Variants in CACNA2D3 observed in about 807,000 individuals in gnomAD.
CACNA2D3 encodes the protein calcium voltage-gated channel auxiliary subunit alpha2delta 3, also known as voltage-dependent calcium channel subunit alpha-2/delta-3.
Under a neutral mutation model 160.6 loss-of-function variants are expected in CACNA2D3, and 60 were observed. That is an observed-to-expected ratio of 0.37 (90% CI 0.30 to 0.46). The LOEUF (loss-of-function observed/expected upper bound fraction) is 0.46. CACNA2D3 is among the 20% of genes least tolerant of loss of function. The probability of loss-of-function intolerance (pLI) is 1.00; values close to 1 mark genes in which losing one functional copy is unlikely to be tolerated. For synonymous variants in CACNA2D3, 558 were observed against 492.9 expected (o/e 1.13, Z -1.75); for missense variants, 1,205 against 1,365.0 (o/e 0.88, Z 1.85).
At chr3:54,706,213 GCA>G in intron 11 of CACNA2D3, among the ~76,000 whole-genome samples, 2 of 152,294 alleles carry the variant, frequency 1.3e-5, no homozygotes, top group East Asian at 3.9e-4. Context: ...ATACCTTCTT[GCA>G]CTTTCTTCAG....
At chr3:54,431,510 A>G (rs917884517) in intron 4 of CACNA2D3, among the ~76,000 whole-genome samples, 3 of 152,164 alleles carry the variant, frequency 2.0e-5, no homozygotes, top group Non-Finnish European at 4.4e-5. Context: ...GCAGAGGTGG[A>G]AGAAAATCCA....
In CACNA2D3 at chr3:54,764,244, G is replaced by A; in HGVS notation, c.1273G>A (p.Ala425Thr). ...ATTTTTTACCCAGATCTCCACCTTG[G>A]CTGATGTGCAGGAGAATGTCATGGA... is the stretch of plus-strand genomic sequence containing the variant. ...KGFFTQISTL[A>T]DVQENVMEYL... is the part of the protein sequence containing the mutation. Residue 425 changes from alanine to threonine, a missense_variant, in exon 13 of 38, where the codon GCT becomes ACT. Ala to Thr is a moderately conservative substitution (Grantham distance 58, BLOSUM62 0). Transcript: ENST00000474759. 1 of 1,613,742 alleles carries A rather than the reference G, an allele frequency of 6.2e-7. No homozygotes were observed. Among genetic ancestry groups the A allele is most frequent in the Non-Finnish European group, 8.5e-7 (1 of 1,179,796 alleles).
At chr3:54,372,582 T>C (rs1698944054) in intron 3 of CACNA2D3, among the ~76,000 whole-genome samples, 1 of 152,198 alleles carries the variant, frequency 6.6e-6, no homozygotes, top group Non-Finnish European at 1.5e-5. Context: ...CTTCATTAGC[T>C]CTCTGTCTTT....
chr3:54,833,520 C>G (rs779494603), intron 14 of CACNA2D3, among the ~76,000 whole-genome samples: 1 of 151,982 alleles, frequency 6.6e-6, no homozygotes, highest in Non-Finnish European at 1.5e-5. Flanking sequence ...AGGGACCCCC[C>G]TAGCAACGTG....
At chr3:55,029,854 A>G (rs557144571) in intron 35 of CACNA2D3, among the ~76,000 whole-genome samples, 54 of 152,338 alleles carry the variant, frequency 3.5e-4, no homozygotes, top group Admixed American at 9.8e-4. Context: ...ATATTTTTGT[A>G]TCTCCTGCTC....
In CACNA2D3 at chr3:54,391,328, C is replaced by T. The variant is rs553821906; in HGVS notation, c.381+4554C>T. Reference sequence around the variant, plus strand: ...CTTATGGCTTGGACATCTACAGCCCCCTCTGTAATGTCCTTACTATGGCAT... The same window carrying T: ...CTTATGGCTTGGACATCTACAGCCCTCTCTGTAATGTCCTTACTATGGCAT... On this transcript the variant is annotated intron_variant, in intron 4 of 37. Coordinates refer to ENST00000474759, the MANE Select transcript of CACNA2D3 (RefSeq NM_018398.3). Among the ~76,000 whole-genome samples, 397 of 152,218 alleles carry T rather than the reference C, an allele frequency of 2.6e-3. 5 individuals are homozygous for T. Among genetic ancestry groups the T allele is most frequent in the African/African-American group, 8.7e-3 (361 of 41,518 alleles).
At chr3:54,226,022 C>G (rs530268670) in intron 2 of CACNA2D3, among the ~76,000 whole-genome samples, 2 of 152,190 alleles carry the variant, frequency 1.3e-5, no homozygotes, top group South Asian at 4.1e-4. Context: ...TCTGACTGGC[C>G]CTTACCAGCA....
intron 3 of CACNA2D3, among the ~76,000 whole-genome samples, chr3:54,331,601 T>C (rs1414818476): frequency 1.3e-5 from 2 of 152,236 alleles, no homozygotes; most frequent in Non-Finnish European, 2.9e-5. Flanking sequence ...TATTATCTCA[T>C]TTAAGTGATA....
chr3:54,916,970 C>A (rs1018956850), intron 27 of CACNA2D3, among the ~76,000 whole-genome samples: 1 of 152,196 alleles, frequency 6.6e-6, no homozygotes, highest in Admixed American at 6.5e-5. Flanking sequence ...TTAGCAATGT[C>A]TGTCATGGCC....
chr3:54,605,152 C>T (rs1698572776), intron 9 of CACNA2D3, among the ~76,000 whole-genome samples: 1 of 152,148 alleles, frequency 6.6e-6, no homozygotes, highest in Non-Finnish European at 1.5e-5. Context: ...TTCACCTGGT[C>T]ATCTTTTCTA....
At chr3:54,150,707 C>G (rs1403693612) in intron 2 of CACNA2D3, among the ~76,000 whole-genome samples, 1 of 152,076 alleles carries the variant, frequency 6.6e-6, no homozygotes, top group Admixed American at 6.6e-5. Flanking sequence ...TACATGAAAA[C>G]AAAAATACTA....
chr3:54,227,531 C>A (rs1701695460), intron 2 of CACNA2D3, among the ~76,000 whole-genome samples: 1 of 144,660 alleles, frequency 6.9e-6, no homozygotes, highest in South Asian at 2.2e-4. Context: ...CAGAGCCAAA[C>A]ATTTCAGCTA....
At chr3:54,764,457 T>G (rs1702180694) in intron 13 of CACNA2D3, 106 bp downstream of exon 13, 3 of 1,378,828 alleles carry the variant, frequency 2.2e-6, no homozygotes, top group Non-Finnish European at 3.0e-6. Context: ...TTGTGTTCAG[T>G]GACACTTTTC....
At chr3:54,840,041 G>C (rs1049457541) in intron 16 of CACNA2D3, among the ~76,000 whole-genome samples, 1 of 152,124 alleles carries the variant, frequency 6.6e-6, no homozygotes, top group Non-Finnish European at 1.5e-5. Context: ...GCCAGACCTA[G>C]GTGTCCAGAA....
intron 23 of CACNA2D3, among the ~76,000 whole-genome samples, chr3:54,887,024 C>T (rs985070458): frequency 5.1e-5 from 7 of 138,596 alleles, no homozygotes; most frequent in Admixed American, 4.0e-4. Context: ...GATTTGAAAA[C>T]TCTAGGATGC....
chr3:54,628,142 G>A (rs940318196), intron 10 of CACNA2D3, among the ~76,000 whole-genome samples: 13 of 152,312 alleles, frequency 8.5e-5, no homozygotes, highest in Middle Eastern at 3.4e-3. Context: ...GGAGGCAGGA[G>A]AATGGTGTTA....
chr3:54,333,349 C>T (rs73841975), intron 3 of CACNA2D3, among the ~76,000 whole-genome samples: 4,955 of 152,106 alleles, frequency 0.033, 277 homozygotes, highest in African/African-American at 0.11. Context: ...CAGGAAGTTG[C>T]GGCAGGGTTT....
chr3:54,545,847 T>C (rs1237205665), intron 5 of CACNA2D3, among the ~76,000 whole-genome samples: 1 of 152,196 alleles, frequency 6.6e-6, no homozygotes, highest in African/African-American at 2.4e-5. Context: ...TCTTCTTCCC[T>C]GTGGTCTTTA....
intron 9 of CACNA2D3, among the ~76,000 whole-genome samples, chr3:54,604,026 G>T (rs916753523): frequency 1.3e-5 from 2 of 152,076 alleles, no homozygotes; most frequent in Non-Finnish European, 2.9e-5. Flanking sequence ...CTTACTTCTA[G>T]GGTCTTTTAT....
Sources: allele counts gnomAD v4.1 joint callset (sites outside exome capture counted in the v4.1 genomes callset), GRCh38; gene constraint gnomAD v4.1.1; transcripts MANE v1.5; gene names NCBI Gene and HGNC (gene_info 2026-07-23, HGNC 2026-07-21).